ANKMY1: variants seen among roughly 807,000 people sequenced by gnomAD.
ANKMY1 encodes the protein ankyrin repeat and MYND domain-containing protein 1.
ANKMY1 carries 98 observed loss-of-function variants against 102.0 expected under a neutral mutation model. The ratio of observed to expected loss-of-function variants is 0.96; its 90% CI spans 0.82 to 1.14. The LOEUF (loss-of-function observed/expected upper bound fraction) is 1.14. ANKMY1 is among the 50% of genes most tolerant of loss of function. The pLI is 0.00. For synonymous variants in ANKMY1, 582 were observed against 559.9 expected (o/e 1.04, Z -0.56); for missense variants, 1,330 against 1,347.6 (o/e 0.99, Z 0.20).
At position 240,512,808 on chromosome 2, in the gene ANKMY1, G is replaced by C; in HGVS notation, c.2139C>G (p.Pro713=). 1 of 1,613,710 alleles carries C rather than the reference G, an allele frequency of 6.2e-7. No individual in the cohort carries two copies. The highest frequency in any genetic ancestry group is 1.1e-5 in the South Asian group (1 of 91,008). Residue 713 remains proline, a synonymous_variant, in exon 10 of 18, where the codon CCC becomes CCG. Transcript: ENST00000401804. ...KASDEDDTYK[P]GKLDLLPSSL... Reference sequence around the variant, plus strand: ...CAGGTCGCGAGGTACACACCTTGCCGGGCTTGTAAGTGTCGTCCTCGTCGG... The same window carrying C: ...CAGGTCGCGAGGTACACACCTTGCCCGGCTTGTAAGTGTCGTCCTCGTCGG...
the ANKMY1 span, among the ~76,000 whole-genome samples, chr2:240,473,387 A>G: frequency 6.6e-6 from 1 of 151,832 alleles, no homozygotes; most frequent in Non-Finnish European, 1.5e-5. Flanking sequence ...ACAAAATTGA[A>G]AAATTCAATA....
chr2:240,477,481 C>G (rs987486816), downstream of ANKMY1, among the ~76,000 whole-genome samples: 1 of 152,186 alleles, frequency 6.6e-6, no homozygotes, highest in Non-Finnish European at 1.5e-5. Context: ...ACTGTAGCCT[C>G]ACACTCCTAG....
the ANKMY1 span, among the ~76,000 whole-genome samples, chr2:240,474,172 T>A: frequency 2.0e-5 from 3 of 151,662 alleles, no homozygotes; most frequent in African/African-American, 7.3e-5. Context: ...CTTGGCTCAC[T>A]GCAAGCTCCG....
At chr2:240,560,820 A>T (rs1282019139), upstream of ANKMY1, 1 of 1,431,312 alleles carries the variant, frequency 7.0e-7, no homozygotes, top group Non-Finnish European at 9.1e-7. Flanking sequence ...CGCGGGAGTC[A>T]CGCTGTGCGT....
At chr2:240,541,254 G>A (rs1051516711) in intron 4 of ANKMY1, among the ~76,000 whole-genome samples, 3 of 152,114 alleles carry the variant, frequency 2.0e-5, no homozygotes, top group Admixed American at 6.6e-5. Flanking sequence ...TTTGCAGGGT[G>A]ACCAAGCCCA....
At chr2:240,472,526 G>A in the ANKMY1 span, among the ~76,000 whole-genome samples, 3 of 152,174 alleles carry the variant, frequency 2.0e-5, no homozygotes, top group South Asian at 2.1e-4. Context: ...AGGGACTCAC[G>A]CAGTGACTGA....
chr2:240,532,760 T>A (rs2085746590), intron 4 of ANKMY1, among the ~76,000 whole-genome samples: 1 of 152,190 alleles, frequency 6.6e-6, no homozygotes, highest in Non-Finnish European at 1.5e-5. Context: ...CCACCCAAAG[T>A]TTCCTCCAAT....
chr2:240,491,091 CT>C (rs200434647), intron 15 of ANKMY1, among the ~76,000 whole-genome samples: 1,475 of 129,460 alleles, frequency 0.011, 16 homozygotes, highest in African/African-American at 0.029. Context: ...ATGACTTTGT[CT>C]TTTTTTTTTT....
intron 4 of ANKMY1, among the ~76,000 whole-genome samples, chr2:240,540,174 A>T (rs923970769): frequency 6.6e-6 from 1 of 152,222 alleles, no homozygotes; most frequent in African/African-American, 2.4e-5. Flanking sequence ...ATAACCTGTA[A>T]GCCTCCTCTT....
intron 2 of ANKMY1, chr2:240,555,277 A>C (rs1296318808): frequency 1.7e-6 from 1 of 581,136 alleles, no homozygotes; most frequent in Non-Finnish European, 3.1e-6. Flanking sequence ...TAAGGCTGCC[A>C]ACGGATAGGA....
chr2:240,508,780 A>C (rs1206506344), intron 12 of ANKMY1, among the ~76,000 whole-genome samples: 1 of 152,124 alleles, frequency 6.6e-6, no homozygotes, highest in Non-Finnish European at 1.5e-5. Flanking sequence ...GAATGAATGA[A>C]TGAATGGGTG....
Position 240,520,461 on chromosome 2 carries a change from G to A in ANKMY1, c.1905C>T (p.Pro635=), listed in dbSNP as rs1170364669. ...TCACAGCAAGGAACAGGACCTGCAT[G>A]GGCACGCAGCACAGGTTGGGGTCCG... ...RGADPNLCCV[P]MQVLFLAVKA... The change falls in exon 9 of 18, where the codon CCC becomes CCT. Residue 635 remains proline, a synonymous_variant. Transcript: ENST00000401804. This position sits in a 1 kb window ranked among gnomAD's most constrained non-coding sequence, Gnocchi z 4.8. The A allele has an allele frequency of 4.3e-6, 7 of 1,613,364 alleles. No individual in the cohort carries two copies. The South Asian group carries it at 5.5e-5, about 13-fold the overall frequency.
In ANKMY1 at chr2:240,525,510, G is replaced by A. The variant is rs1443146756; in HGVS notation, c.1335+175C>T. Among the ~76,000 whole-genome samples the A allele has an allele frequency of 3.9e-5, 6 of 152,322 alleles. 1 individual carries two copies. In the South Asian group the frequency reaches 1.0e-3, roughly 26 times the overall value. ...AAAGAACACACATACCTTGGCATCT[G>A]CTCAGGGTCCCTTAGGGGATGCCCA... On this transcript the variant is annotated intron_variant, in intron 7 of 17. Coordinates refer to ENST00000401804, the MANE Select transcript of ANKMY1 (RefSeq NM_001282771.3).
At chr2:240,493,307 A>ACAGAGTGAGACTC (rs2076862678) in intron 15 of ANKMY1, among the ~76,000 whole-genome samples, 1 of 152,178 alleles carries the variant, frequency 6.6e-6, no homozygotes, top group Non-Finnish European at 1.5e-5. Context: ...AGCCTGGGTG[A>ACAGAGTGAGACTC]CAGAGTGAGA....
In ANKMY1 at chr2:240,512,148, T is replaced by C. The variant is rs968222276; in HGVS notation, c.2146-147A>G. ...TCTTGAAGGCGGATGCCTGACTTTGTTCGAGCCTCTCCCTGCATGCCTGTC... is the reference window on the plus strand; with the variant it reads ...TCTTGAAGGCGGATGCCTGACTTTGCTCGAGCCTCTCCCTGCATGCCTGTC... On this transcript the variant is annotated intron_variant, in intron 10 of 17. Coordinates refer to ENST00000401804, the MANE Select transcript of ANKMY1 (RefSeq NM_001282771.3). 4 of 1,004,460 alleles carry C rather than the reference T, an allele frequency of 4.0e-6. No homozygotes were observed. In the African/African-American group the frequency reaches 6.9e-5, roughly 17 times the overall value. The allele number at this position is 1,004,460 out of a possible 1,614,324, so 62.2% of individuals were successfully genotyped here.
chr2:240,551,759 C>T (rs539497648), intron 4 of ANKMY1, among the ~76,000 whole-genome samples: 90 of 152,298 alleles, frequency 5.9e-4, no homozygotes, highest in African/African-American at 2.1e-3. Flanking sequence ...AACCTGATTC[C>T]CCATGGTTGA....
upstream of ANKMY1, chr2:240,558,690 A>T (rs1453694007): frequency 6.6e-6 from 1 of 152,224 alleles, no homozygotes; most frequent in Non-Finnish European, 1.5e-5. Context: ...CTCTGAGAAC[A>T]GGGCAGGGGG....
intron 15 of ANKMY1, among the ~76,000 whole-genome samples, chr2:240,496,217 T>C (rs2077230352): frequency 6.6e-6 from 1 of 152,234 alleles, no homozygotes. Context: ...ATCTCTGTTT[T>C]ATCCTACTTG....
chr2:240,512,095 G>A lies in ANKMY1; in HGVS notation c.2146-94C>T, dbSNP rs1029345877. On this transcript the variant is annotated intron_variant, in intron 10 of 17. Transcript: ENST00000401804. Reference sequence around the variant, plus strand: ...CAAGGGAGCTTCCTCCCCAGCCTGCGGGTCTGGAGTCTCACCCTGCGAAAC... The same window carrying A: ...CAAGGGAGCTTCCTCCCCAGCCTGCAGGTCTGGAGTCTCACCCTGCGAAAC... 1.5e-5 allele frequency: 21 copies of A among 1,393,678 alleles called. No homozygotes were observed. In the South Asian group the frequency reaches 1.8e-4, roughly 12 times the overall value. 86.3% of individuals were successfully genotyped at this position (1,393,678 alleles called of 1,614,324 possible).
Sources: gnomAD v4.1 joint callset for allele counts (sites outside exome capture counted in the v4.1 genomes callset) on GRCh38, gnomAD v4.1.1 for gene constraint, Gnocchi (gnomAD v3.1) non-coding constraint, MANE v1.5 for transcripts, NCBI Gene and HGNC (gene_info 2026-07-23, HGNC 2026-07-21) for gene names.